ZNF226: variants seen among roughly 807,000 people sequenced by gnomAD.
ZNF226 encodes Kruppel-associated box protein.
ZNF226 carries 6 observed loss-of-function variants against 11.4 expected under a neutral mutation model. The ratio of observed to expected loss-of-function variants is 0.53; its 90% CI spans 0.29 to 1.04. ZNF226 has a LOEUF of 1.04. Ranked by LOEUF, ZNF226 falls within the 50% of genes least tolerant of loss-of-function variation. The probability of loss-of-function intolerance (pLI) is 0.08; values close to 1 mark genes in which losing one functional copy is unlikely to be tolerated. For missense variants in ZNF226, 1,058 were observed against 956.5 expected, an observed-to-expected ratio of 1.11 and a Z score of -1.40; for synonymous variants, 350 against 322.8, an observed-to-expected ratio of 1.08 and a Z score of -0.90.
chr19:44,175,398 T>C (rs999036346), intron 5 of ZNF226, 100 bp from the exon 6 acceptor site: 11 of 1,460,988 alleles, frequency 7.5e-6, no homozygotes, highest in Middle Eastern at 2.5e-4. Context: ...AGCAGAACTA[T>C]CCCGAGGTTC....
At chr19:44,198,025 C>G in the ZNF226 span, among the ~76,000 whole-genome samples, 1 of 152,054 alleles carries the variant, frequency 6.6e-6, no homozygotes, top group East Asian at 1.9e-4. Context: ...TGCTAAAGGT[C>G]AAGATTAATT....
chr19:44,175,249 A>G (rs1394145167), intron 5 of ZNF226: 25 of 1,400,478 alleles, frequency 1.8e-5, no homozygotes, highest in Middle Eastern at 2.6e-4. Context: ...TTTAGATAGT[A>G]TGTCAGTAGT....
chr19:44,186,875 GT>G, the ZNF226 span, among the ~76,000 whole-genome samples: 37 of 71,406 alleles, frequency 5.2e-4, no homozygotes, highest in Admixed American at 1.7e-3. Flanking sequence ...TAGTTAAGTG[GT>G]TTTTTTTTTT....
At chr19:44,190,674 C>G in the ZNF226 span, among the ~76,000 whole-genome samples, 1 of 152,024 alleles carries the variant, frequency 6.6e-6, no homozygotes, top group Non-Finnish European at 1.5e-5. Context: ...TCTAGAAAGC[C>G]AAACAAAGGC....
chr19:44,185,018 A>G, the ZNF226 span, among the ~76,000 whole-genome samples: 1 of 152,070 alleles, frequency 6.6e-6, no homozygotes, highest in African/African-American at 2.4e-5. Context: ...CTCTTACAGT[A>G]TTTGCCCTTT....
intron 5 of ZNF226, chr19:44,174,906 C>A: frequency 1.5e-6 from 2 of 1,364,414 alleles, no homozygotes; most frequent in Admixed American, 2.1e-5. Context: ...CAATAACTCA[C>A]TTGGTGTACC....
chr19:44,175,612 C>A lies in ZNF226; in HGVS notation c.350C>A (p.Ser117Tyr). Reference protein sequence around the residue: ...IANDLTRCQDSMINNSQCHKQ... With the variant: ...IANDLTRCQDYMINNSQCHKQ... ...AATGACTTAACCAGGTGTCAAGACTCCATGATCAATAATTCTCAGTGTCAC... is the reference window on the plus strand; with the variant it reads ...AATGACTTAACCAGGTGTCAAGACTACATGATCAATAATTCTCAGTGTCAC... The change falls in exon 6 of 6, where the codon TCC becomes TAC. Residue 117 changes from serine to tyrosine, a missense_variant. By Grantham distance (144) the Ser-to-Tyr change is moderately radical. Coordinates refer to ENST00000337433, the MANE Select transcript of ZNF226 (RefSeq NM_001032373.2). 3 of 1,613,894 alleles carry A rather than the reference C, an allele frequency of 1.9e-6. No individual in the cohort carries two copies. Among genetic ancestry groups the A allele is most frequent in the Non-Finnish European group, 2.5e-6 (3 of 1,179,834 alleles).
At chr19:44,198,352 T>C in the ZNF226 span, among the ~76,000 whole-genome samples, 1 of 152,340 alleles carries the variant, frequency 6.6e-6, no homozygotes, top group African/African-American at 2.4e-5. Flanking sequence ...GCTGAGAATT[T>C]TATTAAATAT....
rs1161558622 is a variant in ZNF226 at position 44,175,904 on chromosome 19, T to C, written c.642T>C (p.Gly214=). ...TCGGTTGGATTTCACATCATGATGG[T>C]CATAGAGTACACAAAAGTGAAAAAT... ...DPIGWISHHD[G]HRVHKSEKSY... Residue 214 remains glycine, a synonymous_variant, in exon 6 of 6, where the codon GGT becomes GGC. Transcript: ENST00000337433. 2 of 1,613,444 alleles carry C rather than the reference T, an allele frequency of 1.2e-6. No individual in the cohort carries two copies. The highest frequency in any genetic ancestry group is 1.7e-6 in the Non-Finnish European group (2 of 1,179,726).
chr19:44,166,362 G>T (rs555108062), intron 2 of ZNF226, among the ~76,000 whole-genome samples: 4 of 152,226 alleles, frequency 2.6e-5, no homozygotes, highest in Admixed American at 2.0e-4. Flanking sequence ...TTAGCCAGGC[G>T]TGGTGGCCAA....
At chr19:44,174,139 T>TTGTGTGTG (rs55722013) in intron 5 of ZNF226, 1 of 149,554 alleles carries the variant, frequency 6.7e-6, no homozygotes, top group African/African-American at 2.5e-5. Flanking sequence ...TAATTTCTCT[T>TTGTGTGTG]TGTGTGTGTG....
chr19:44,180,920 C>T (rs1033893116), downstream of ZNF226, among the ~76,000 whole-genome samples: 1 of 152,132 alleles, frequency 6.6e-6, no homozygotes, highest in Non-Finnish European at 1.5e-5. Flanking sequence ...CCAGGGAGCA[C>T]CTATCTTTTC....
Position 44,177,183 on chromosome 19 carries a change from A to G in ZNF226, c.1921A>G (p.Lys641Glu). 6.2e-7 allele frequency: 1 copy of G among 1,614,052 alleles called. No homozygotes were observed. Among genetic ancestry groups the G allele is most frequent in the Non-Finnish European group, 8.5e-7 (1 of 1,180,016 alleles). The change falls in exon 6 of 6, where the codon AAA (lysine) becomes GAA (glutamate). Residue 641 changes from lysine (K) to glutamate (E), a missense_variant. Lys to Glu is a moderately conservative substitution (Grantham distance 56). Coordinates refer to ENST00000337433, the MANE Select transcript of ZNF226 (RefSeq NM_001032373.2). The part of the protein sequence containing the change: ...LAHQRVHSGE[K>E]PFKCEECGKS... ...CCATCAGAGAGTCCACAGTGGAGAA[A>G]AACCATTCAAATGTGAAGAATGTGG...
rs190199201 is a variant in ZNF226 at position 44,175,079 on chromosome 19, G to T, written c.236-419G>T. The T allele has an allele frequency of 1.2e-4, 191 of 1,605,858 alleles. No individual in the cohort carries two copies. In the African/African-American group the frequency reaches 2.3e-3, roughly 19 times the overall value. On this transcript the variant is annotated intron_variant, in intron 5 of 5. Coordinates refer to ENST00000337433, the MANE Select transcript of ZNF226 (RefSeq NM_001032373.2). ...GAAATGTTGGAAGTCATTTATATAT[G>T]AAGAAATGTTGGAAGGACTCATATA...
At position 44,176,289 on chromosome 19, in the gene ZNF226, G is replaced by T; in HGVS notation, c.1027G>T (p.Gly343Cys). The T allele has an allele frequency of 6.2e-7, 1 of 1,614,144 alleles. No homozygotes were observed. The highest frequency in any genetic ancestry group is 8.5e-7 in the Non-Finnish European group (1 of 1,180,018). ...ATACAAATGTAAGCAATGTGGGAAA[G>T]GTTTCAGTCGTAGATCAGCACTTAA... ...KPYKCKQCGK[G>C]FSRRSALNVH... The change falls in exon 6 of 6, where the codon GGT (glycine) becomes TGT (cysteine). Residue 343 changes from glycine (G) to cysteine (C), a missense_variant. By Grantham distance (159) the Gly-to-Cys change is radical (BLOSUM62 -3). Transcript: ENST00000337433.
intron 5 of ZNF226, chr19:44,175,024 T>C: frequency 6.2e-7 from 1 of 1,611,906 alleles, no homozygotes; most frequent in Non-Finnish European, 8.5e-7. Flanking sequence ...ATGACCTGGC[T>C]CAAACTTAAA....
chr19:44,195,806 G>A, the ZNF226 span, among the ~76,000 whole-genome samples: 9 of 152,250 alleles, frequency 5.9e-5, no homozygotes, highest in Middle Eastern at 3.4e-3. Context: ...GTCCTGCTAC[G>A]GTGACACCAG....
chr19:44,181,432 TA>T, downstream of ZNF226, among the ~76,000 whole-genome samples: 1 of 151,576 alleles, frequency 6.6e-6, no homozygotes, highest in Middle Eastern at 3.4e-3. Context: ...TCAACTTCCC[TA>T]TTTTGAGCCT....
the ZNF226 span, among the ~76,000 whole-genome samples, chr19:44,194,957 A>C: frequency 6.6e-6 from 1 of 152,206 alleles, no homozygotes; most frequent in Non-Finnish European, 1.5e-5. Context: ...AACCAAATTG[A>C]CATGAAACCA....
Sources: allele counts gnomAD v4.1 joint callset (sites outside exome capture counted in the v4.1 genomes callset), GRCh38; gene constraint gnomAD v4.1.1; transcripts MANE v1.5; gene names NCBI Gene and HGNC (gene_info 2026-07-23, HGNC 2026-07-21).